The following REPS2 variants were observed in gnomAD, a reference collection of about 807,000 sequenced individuals.
The protein encoded by REPS2 is RALBP1 associated Eps domain containing 2.
Under a neutral mutation model 53.6 loss-of-function variants are expected in REPS2, and 23 were observed. The ratio of observed to expected loss-of-function variants is 0.43; its 90% CI spans 0.31 to 0.61. The LOEUF (loss-of-function observed/expected upper bound fraction) is 0.61. Ranked by LOEUF, REPS2 falls within the 20% of genes least tolerant of loss-of-function variation. The probability of loss-of-function intolerance (pLI) is 0.11; values close to 1 mark genes in which losing one functional copy is unlikely to be tolerated. For synonymous variants in REPS2, 238 were observed against 218.6 expected, an observed-to-expected ratio of 1.09 and a Z score of -0.78; for missense variants, 446 against 534.9, an observed-to-expected ratio of 0.83 and a Z score of 1.64.
chrX:17,188,848 A>G, the REPS2 span, among the ~76,000 whole-genome samples: 2 of 112,108 alleles, frequency 1.8e-5, no homozygotes, highest in Non-Finnish European at 3.8e-5. Flanking sequence ...ATGTGTGTGT[A>G]CCATTCATAG....
intron 11 of REPS2, among the ~76,000 whole-genome samples, chrX:17,073,813 C>G (rs2062342262): frequency 9.4e-6 from 1 of 106,450 alleles, no homozygotes; most frequent in African/African-American, 3.4e-5. Context: ...AAAGACAACC[C>G]CCTTTCAAGG....
At chrX:17,052,539 AATG>A (rs1401667639) in intron 7 of REPS2, 94 bp downstream of exon 7, 1 of 651,375 alleles carries the variant, frequency 1.5e-6, no homozygotes, top group African/African-American at 2.2e-5. Context: ...TTATGTTTTG[AATG>A]ATGTTTTTAA....
chrX:17,148,446 A>G lies in REPS2; in HGVS notation c.*965A>G, dbSNP rs1340212404. On this transcript the variant is annotated 3_prime_UTR_variant, in exon 18 of 18. Transcript: ENST00000357277. ...TGGGGAAGAAGGGGAAATGGTTGTT[A>G]CCAACAATCTCTAGTAGTTATTTTA... 8.9e-6 allele frequency: 1 copy of G among 112,567 alleles called. No individual in the cohort carries two copies. Among genetic ancestry groups the G allele is most frequent in the African/African-American group, 3.2e-5 (1 of 30,906 alleles). 9.3% of individuals were successfully genotyped at this position (112,567 alleles called of 1,213,427 possible). A position where few individuals can be genotyped will look rare whatever the true frequency, so the allele number is the denominator to read the frequency against.
At chrX:16,951,559 A>ACACACACACACACCC (rs879259718) in intron 1 of REPS2, among the ~76,000 whole-genome samples, 45 of 37,509 alleles carry the variant, frequency 1.2e-3, no homozygotes, top group Admixed American at 3.2e-3. Context: ...ACACACACAC[A>ACACACACACACACCC]CCCCCGCTAC....
chrX:16,947,314 C>T (rs1392496926), intron 1 of REPS2, among the ~76,000 whole-genome samples, 180 bp downstream of exon 1: 2 of 112,518 alleles, frequency 1.8e-5, no homozygotes, highest in South Asian at 3.7e-4. Flanking sequence ...CACCAGCCTC[C>T]TTCGCAGCTC....
At chrX:17,164,004 TATA>T in the REPS2 span, among the ~76,000 whole-genome samples, 1 of 112,203 alleles carries the variant, frequency 8.9e-6, no homozygotes, top group African/African-American at 3.2e-5. Flanking sequence ...TTGATGAACA[TATA>T]ATATATAAAG....
chrX:16,995,930 G>T (rs1176445196), intron 1 of REPS2, among the ~76,000 whole-genome samples: 3 of 111,610 alleles, frequency 2.7e-5, no homozygotes, highest in Non-Finnish European at 5.6e-5. Flanking sequence ...AGGGGGATGG[G>T]TAGATTTTAT....
the REPS2 span, among the ~76,000 whole-genome samples, chrX:17,160,138 T>C: frequency 1.1e-3 from 122 of 112,984 alleles, 1 homozygote; most frequent in Non-Finnish European, 6.0e-4. Context: ...GATGAACTTA[T>C]AAATTTCACT....
At chrX:16,969,331 G>A (rs746663033) in intron 1 of REPS2, among the ~76,000 whole-genome samples, 5 of 111,915 alleles carry the variant, frequency 4.5e-5, no homozygotes, top group African/African-American at 1.3e-4. Context: ...GGTGGCGGCC[G>A]GGCAGAGGCT....
At chrX:16,982,295 A>C (rs1490797672) in intron 1 of REPS2, among the ~76,000 whole-genome samples, 1 of 112,177 alleles carries the variant, frequency 8.9e-6, no homozygotes, top group Non-Finnish European at 1.9e-5. Context: ...TGTTTACATC[A>C]TGTATACATT....
At chrX:17,128,322 T>C (rs768418480) in intron 14 of REPS2, among the ~76,000 whole-genome samples, 15 of 110,769 alleles carry the variant, frequency 1.4e-4, no homozygotes, top group Middle Eastern at 4.6e-3. Flanking sequence ...TGGTACATAA[T>C]TGCATAATAG....
intron 5 of REPS2, among the ~76,000 whole-genome samples, chrX:17,040,357 A>C (rs1281503265): frequency 8.9e-6 from 1 of 112,517 alleles, no homozygotes; most frequent in Non-Finnish European, 1.9e-5. Context: ...AACTCAGGTT[A>C]ACCTTTCTCT....
intron 13 of REPS2, among the ~76,000 whole-genome samples, chrX:17,084,784 A>G (rs1457414063): frequency 8.9e-6 from 1 of 112,150 alleles, no homozygotes; most frequent in East Asian, 2.8e-4. Flanking sequence ...ATTTTGCATA[A>G]AAGTTCCTTT....
intron 10 of REPS2, among the ~76,000 whole-genome samples, 164 bp downstream of exon 10, chrX:17,068,635 C>T (rs1195591026): frequency 8.9e-6 from 1 of 112,755 alleles, no homozygotes; most frequent in Non-Finnish European, 1.9e-5. Flanking sequence ...CAATAGTTCA[C>T]AAAGTGGTAG....
the REPS2 span, among the ~76,000 whole-genome samples, chrX:17,163,012 A>G: frequency 8.9e-6 from 1 of 112,283 alleles, no homozygotes; most frequent in Non-Finnish European, 1.9e-5. Flanking sequence ...AAAACAATCA[A>G]TAGAAATTGT....
At position 17,077,303 on chromosome X, in the gene REPS2, T is replaced by C; in HGVS notation, c.1412T>C (p.Met471Thr). 2 of 1,207,631 alleles carry C rather than the reference T, an allele frequency of 1.7e-6. No individual in the cohort carries two copies. Among genetic ancestry groups the C allele is most frequent in the Non-Finnish European group, 2.2e-6 (2 of 893,715 alleles). ...TCTAGCACCTCCATAGAAGAGGCCATGAAAAGGGGCGAGGACCCTCCCACC... is the reference window on the plus strand; with the variant it reads ...TCTAGCACCTCCATAGAAGAGGCCACGAAAAGGGGCGAGGACCCTCCCACC... ...SYSSTSIEEAMKRGEDPPTPP... is the reference protein window; with the variant it reads ...SYSSTSIEEATKRGEDPPTPP... Residue 471 changes from methionine (M) to threonine (T), a missense_variant, in exon 13 of 18, where the codon ATG (methionine) becomes ACG (threonine). Physicochemically the swap from Met to Thr is moderately conservative, Grantham distance 81. Coordinates refer to ENST00000357277, the MANE Select transcript of REPS2 (RefSeq NM_004726.3).
At chrX:17,011,679 G>A (rs190403549) in intron 2 of REPS2, among the ~76,000 whole-genome samples, 1 of 112,321 alleles carries the variant, frequency 8.9e-6, no homozygotes, top group African/African-American at 3.2e-5. Flanking sequence ...ACTTTGGGAG[G>A]CCGAGGTGGG....
At chrX:16,988,823 T>A (rs1436666528) in intron 1 of REPS2, among the ~76,000 whole-genome samples, 4 of 112,218 alleles carry the variant, frequency 3.6e-5, no homozygotes, top group African/African-American at 9.7e-5. Flanking sequence ...TCTAAATAGA[T>A]GGGGAACATA....
intron 14 of REPS2, among the ~76,000 whole-genome samples, chrX:17,115,404 T>G (rs1019190002): frequency 1.8e-5 from 2 of 112,135 alleles, no homozygotes; most frequent in African/African-American, 6.5e-5. Context: ...CCTAAGGCGG[T>G]TTTCCCCTAT....
Sources: allele counts gnomAD v4.1 joint callset (sites outside exome capture counted in the v4.1 genomes callset), GRCh38; gene constraint gnomAD v4.1.1; transcripts MANE v1.5; gene names NCBI Gene and HGNC (gene_info 2026-07-23, HGNC 2026-07-21).